JCAD: variants seen among roughly 807,000 people sequenced by gnomAD.
JCAD encodes junctional cadherin 5 associated, also known as junctional cadherin 5-associated protein.
A neutral mutation model predicts 98.0 loss-of-function variants in JCAD; 40 were observed. The ratio of observed to expected loss-of-function variants is 0.41; its 90% confidence interval spans 0.32 to 0.53. The LOEUF (loss-of-function observed/expected upper bound fraction) is 0.53, where lower values mean the gene tolerates loss of function less well. Among genes scored for constraint, JCAD ranks in the 20% least tolerant of loss-of-function variants. JCAD has a pLI of 0.31. For missense variants in JCAD, 1,705 were observed against 1,738.1 expected (o/e 0.98, Z 0.34); for synonymous variants, 691 against 682.3 (o/e 1.01, Z -0.20).
At chr10:30,062,527 A>G (rs954105625), upstream of JCAD, among the ~76,000 whole-genome samples, 77 of 152,344 alleles carry the variant, frequency 5.1e-4, no homozygotes, top group African/African-American at 1.8e-3. Context: ...CAAAGAGGAA[A>G]GAGGGTGTAT....
intron 1 of JCAD, among the ~76,000 whole-genome samples, chr10:30,057,368 T>C (rs925191754): frequency 8.5e-5 from 13 of 152,290 alleles, no homozygotes; most frequent in Non-Finnish European, 1.8e-4. Context: ...CAAGAATCTT[T>C]TCATATTTAC....
intron 2 of JCAD, among the ~76,000 whole-genome samples, chr10:30,041,714 G>T (rs1837246110): frequency 6.6e-6 from 1 of 152,160 alleles, no homozygotes; most frequent in South Asian, 2.1e-4. Context: ...CAGAATTCCT[G>T]GGGCTATGCA....
intron 2 of JCAD, among the ~76,000 whole-genome samples, chr10:30,038,696 A>AAG (rs1554796969): frequency 6.8e-6 from 1 of 146,492 alleles, no homozygotes. Flanking sequence ...AATAAAAAAA[A>AAG]AAAAAAAAAG....
At chr10:30,023,300 A>G (rs1836704948) in intron 3 of JCAD, among the ~76,000 whole-genome samples, 1 of 152,130 alleles carries the variant, frequency 6.6e-6, no homozygotes, top group South Asian at 2.1e-4. Flanking sequence ...AGCCTCCCAA[A>G]GTGCTGGGAC....
At chr10:30,056,265 A>G (rs1355539175) in intron 1 of JCAD, among the ~76,000 whole-genome samples, 2 of 152,186 alleles carry the variant, frequency 1.3e-5, no homozygotes, top group African/African-American at 4.8e-5. Context: ...GTTTTTAAAT[A>G]TCTTCAGAAT....
chr10:30,024,827 C>G (rs1287986838), intron 3 of JCAD, among the ~76,000 whole-genome samples: 1 of 151,718 alleles, frequency 6.6e-6, no homozygotes, highest in Non-Finnish European at 1.5e-5. Context: ...TCTTGAGTAG[C>G]TGAGACTACA....
At chr10:30,070,500 T>C (rs991601915) in intron 1 of JCAD, among the ~76,000 whole-genome samples, 1 of 152,236 alleles carries the variant, frequency 6.6e-6, no homozygotes, top group Admixed American at 6.5e-5. Context: ...ACGTGCACTT[T>C]TTAGTTTTCG....
At chr10:30,093,284 A>G (rs1279024190) in intron 1 of JCAD, among the ~76,000 whole-genome samples, 1 of 152,216 alleles carries the variant, frequency 6.6e-6, no homozygotes, top group African/African-American at 2.4e-5. Context: ...AAATGTTGAT[A>G]AAACCCGCAA....
At chr10:30,021,691 C>T (rs1479553961) in intron 3 of JCAD, among the ~76,000 whole-genome samples, 1 of 152,176 alleles carries the variant, frequency 6.6e-6, no homozygotes, top group Non-Finnish European at 1.5e-5. Flanking sequence ...ACTTACAGCA[C>T]ATCTCAATTT....
intron 2 of JCAD, among the ~76,000 whole-genome samples, chr10:30,032,209 G>C (rs1837017849): frequency 6.6e-6 from 1 of 152,074 alleles, no homozygotes; most frequent in South Asian, 2.1e-4. Flanking sequence ...TCAAATGCAG[G>C]GTGTTGTTCA....
At chr10:30,036,219 G>A (rs886188373) in intron 2 of JCAD, among the ~76,000 whole-genome samples, 3 of 152,082 alleles carry the variant, frequency 2.0e-5, no homozygotes, top group African/African-American at 4.8e-5. Flanking sequence ...TGAGGCGGAC[G>A]GATCACCTGA....
chr10:30,083,673 C>G (rs1838122122), intron 1 of JCAD, among the ~76,000 whole-genome samples: 1 of 152,188 alleles, frequency 6.6e-6, no homozygotes, highest in East Asian at 1.9e-4. Flanking sequence ...AATGAAACTT[C>G]TGTCCATCAG....
rs763648723 is a variant in JCAD, at chr10:30,026,089, G to A, written c.4045+14C>T. 1.2e-5 allele frequency: 19 copies of A among 1,613,856 alleles called. No homozygotes were observed. Among genetic ancestry groups the A allele is most frequent in the Non-Finnish European group, 1.5e-5 (18 of 1,180,014 alleles). ...ATGTATACTGAGCACCTGCCTGTCT[G>A]CCTGATTCCTCACCTGGGCACCAGA... is the stretch of plus-strand genomic sequence containing the variant. On this transcript the variant is annotated intron_variant, in intron 3 of 3. Coordinates refer to ENST00000375377, the MANE Select transcript of JCAD (RefSeq NM_020848.4).
At chr10:30,088,722 C>T (rs1030747771) in intron 1 of JCAD, among the ~76,000 whole-genome samples, 7 of 152,146 alleles carry the variant, frequency 4.6e-5, no homozygotes, top group Non-Finnish European at 8.8e-5. Context: ...AATTCCAGCA[C>T]TTTGGGTGAC....
chr10:30,104,852 A>T (rs970142003), intron 1 of JCAD, among the ~76,000 whole-genome samples: 1 of 152,132 alleles, frequency 6.6e-6, no homozygotes, highest in Non-Finnish European at 1.5e-5. Context: ...GAGAAGAGAG[A>T]AGAGCGGAGG....
chr10:30,097,939 G>A (rs976659158), intron 1 of JCAD, among the ~76,000 whole-genome samples: 1 of 152,098 alleles, frequency 6.6e-6, no homozygotes, highest in Non-Finnish European at 1.5e-5. Context: ...AACGTCAAGA[G>A]TTCAACCACA....
At chr10:30,024,744 G>A (rs932049213) in intron 3 of JCAD, among the ~76,000 whole-genome samples, 5 of 142,468 alleles carry the variant, frequency 3.5e-5, no homozygotes, top group Admixed American at 1.5e-4. Context: ...CGCCCAGGCT[G>A]GAGTGCAGAG....
chr10:30,048,863 C>T (rs1341063788), intron 1 of JCAD, among the ~76,000 whole-genome samples: 8 of 152,152 alleles, frequency 5.3e-5, no homozygotes, highest in African/African-American at 7.2e-5. Context: ...CCACCACACC[C>T]GGCCTCCTTA....
chr10:30,057,259 T>C (rs964508514), intron 1 of JCAD, among the ~76,000 whole-genome samples: 3 of 152,230 alleles, frequency 2.0e-5, no homozygotes, highest in Admixed American at 6.5e-5. Flanking sequence ...CCTCCCAAAC[T>C]GGCCAGTGAG....
Sources: gnomAD v4.1 joint callset for allele counts (sites outside exome capture counted in the v4.1 genomes callset) on GRCh38, gnomAD v4.1.1 for gene constraint, MANE v1.5 for transcripts, NCBI Gene and HGNC (gene_info 2026-07-23, HGNC 2026-07-21) for gene names.